AFG2A: variants seen among roughly 807,000 people sequenced by gnomAD.
AFG2A encodes ATPase family gene 2 protein homolog A.
the AFG2A span, chr4:122,938,156 G>C: frequency 6.2e-7 from 1 of 1,609,098 alleles, no homozygotes; most frequent in Non-Finnish European, 8.5e-7. Flanking sequence ...TTGATGAGCT[G>C]GATGCACTTT....
At chr4:123,217,460 T>TCAGGAAAG in the AFG2A span, among the ~76,000 whole-genome samples, 1 of 152,050 alleles carries the variant, frequency 6.6e-6, no homozygotes, top group Non-Finnish European at 1.5e-5. Context: ...TTAATGAGTT[T>TCAGGAAAG]CAGGAAAGAG....
At chr4:123,024,798 C>T in the AFG2A span, among the ~76,000 whole-genome samples, 2 of 152,148 alleles carry the variant, frequency 1.3e-5, no homozygotes, top group Admixed American at 1.3e-4. Flanking sequence ...AGACAGTAGG[C>T]CTTTTTGCAG....
At chr4:123,057,140 A>G in the AFG2A span, 1 of 1,540,204 alleles carries the variant, frequency 6.5e-7, no homozygotes, top group Non-Finnish European at 9.0e-7. Context: ...ATATAGTTTT[A>G]AAACAAACCA....
chr4:123,099,645 C>A, the AFG2A span, among the ~76,000 whole-genome samples: 1 of 151,544 alleles, frequency 6.6e-6, no homozygotes, highest in East Asian at 1.9e-4. Flanking sequence ...AGTAGGGAGG[C>A]TGAATTAACT....
chr4:122,963,314 A>G, the AFG2A span, among the ~76,000 whole-genome samples: 1 of 152,198 alleles, frequency 6.6e-6, no homozygotes, highest in Non-Finnish European at 1.5e-5. Context: ...TTGGGTTGTT[A>G]AAAAATATTT....
the AFG2A span, among the ~76,000 whole-genome samples, chr4:123,100,171 T>G: frequency 2.0e-5 from 3 of 151,862 alleles, no homozygotes; most frequent in Non-Finnish European, 4.4e-5. Context: ...TTCTTCATCC[T>G]TTGCTTATTC....
the AFG2A span, among the ~76,000 whole-genome samples, chr4:123,289,457 C>T: frequency 6.6e-6 from 1 of 152,144 alleles, no homozygotes; most frequent in Non-Finnish European, 1.5e-5. Context: ...TGATGGTGAA[C>T]TGTACTGTAG....
chr4:122,944,026 C>G, the AFG2A span, among the ~76,000 whole-genome samples: 3 of 152,114 alleles, frequency 2.0e-5, no homozygotes, highest in Non-Finnish European at 4.4e-5. Context: ...GATGGGCTTC[C>G]CTTTGTGGGT....
the AFG2A span, among the ~76,000 whole-genome samples, chr4:123,135,695 C>T: frequency 6.6e-6 from 1 of 152,048 alleles, no homozygotes; most frequent in African/African-American, 2.4e-5. Flanking sequence ...AGTAATCTAG[C>T]GATCATTTAA....
At chr4:123,078,015 T>C in the AFG2A span, among the ~76,000 whole-genome samples, 1 of 152,178 alleles carries the variant, frequency 6.6e-6, no homozygotes, top group African/African-American at 2.4e-5. Flanking sequence ...ATTATATTAA[T>C]GGCAAAGTAG....
chr4:123,095,123 A>T, the AFG2A span, among the ~76,000 whole-genome samples: 1 of 146,926 alleles, frequency 6.8e-6, no homozygotes, highest in South Asian at 2.2e-4. Flanking sequence ...CTTTCCTCAC[A>T]TCCCTCTTTT....
chr4:123,090,433 C>T, the AFG2A span: 1 of 782,526 alleles, frequency 1.3e-6, no homozygotes, highest in Non-Finnish European at 1.9e-6. Context: ...TATGATAATG[C>T]AGTAAATAAA....
chr4:122,987,360 CTTG>C, the AFG2A span, among the ~76,000 whole-genome samples: 1 of 151,952 alleles, frequency 6.6e-6, no homozygotes, highest in South Asian at 2.1e-4. Context: ...AATTTTGAAT[CTTG>C]TTGTTTAATC....
At chr4:123,061,726 C>T in the AFG2A span, among the ~76,000 whole-genome samples, 1 of 152,152 alleles carries the variant, frequency 6.6e-6, no homozygotes, top group African/African-American at 2.4e-5. Flanking sequence ...GAATACTTAC[C>T]AGTCTTTTTG....
At chr4:122,924,999 C>G in the AFG2A span, among the ~76,000 whole-genome samples, 1 of 152,144 alleles carries the variant, frequency 6.6e-6, no homozygotes, top group East Asian at 1.9e-4. Context: ...TAGCACTGTA[C>G]AATAACTCTT....
chr4:123,276,898 T>C, the AFG2A span, among the ~76,000 whole-genome samples: 1 of 152,192 alleles, frequency 6.6e-6, no homozygotes, highest in Non-Finnish European at 1.5e-5. Context: ...GTAGTGTAGT[T>C]TGAATTTGAG....
the AFG2A span, among the ~76,000 whole-genome samples, chr4:123,229,198 C>T: frequency 6.6e-6 from 1 of 151,852 alleles, no homozygotes; most frequent in Non-Finnish European, 1.5e-5. Context: ...TGTGGAAGGA[C>T]ATTGGAGGGA....
At chr4:123,313,644 T>C in the AFG2A span, among the ~76,000 whole-genome samples, 1 of 152,216 alleles carries the variant, frequency 6.6e-6, no homozygotes, top group Non-Finnish European at 1.5e-5. Context: ...TAGATATCTT[T>C]TGGCACTCCT....
At chr4:123,099,241 A>G in the AFG2A span, among the ~76,000 whole-genome samples, 10 of 151,762 alleles carry the variant, frequency 6.6e-5, no homozygotes, top group South Asian at 4.1e-4. Flanking sequence ...AAATTTTGGT[A>G]TTTTAGATTT....
Sources: gnomAD v4.1 joint callset for allele counts (sites outside exome capture counted in the v4.1 genomes callset) on GRCh38, gnomAD v4.1.1 for gene constraint, MANE v1.5 for transcripts, NCBI Gene and HGNC (gene_info 2026-07-23, HGNC 2026-07-21) for gene names.